Variants in NR4A1 observed in about 807,000 individuals in gnomAD.
The protein encoded by NR4A1 is nuclear receptor subfamily 4 group A member 1.
NR4A1 carries 24 observed loss-of-function variants against 47.5 expected under a neutral mutation model. That is an observed-to-expected ratio of 0.50 (90% CI 0.37 to 0.71). NR4A1 has a LOEUF of 0.71. NR4A1 is among the 30% of genes least tolerant of loss of function. The probability of loss-of-function intolerance (pLI) is 0.00; values close to 1 mark genes in which losing one functional copy is unlikely to be tolerated. For missense variants in NR4A1, 669 were observed against 788.6 expected, an observed-to-expected ratio of 0.85 and a Z score of 1.82; for synonymous variants, 353 against 345.7, an observed-to-expected ratio of 1.02 and a Z score of -0.24.
chr12:52,052,458 A>T, intron 1 of NR4A1: 1 of 985,254 alleles, frequency 1.0e-6, no homozygotes, highest in Non-Finnish European at 1.2e-6. Flanking sequence ...GATCATCCCT[A>T]TGCCCCCTCC....
At chr12:52,037,863 G>A (rs1313449539) in intron 1 of NR4A1, 1 of 985,252 alleles carries the variant, frequency 1.0e-6, no homozygotes, top group Non-Finnish European at 1.2e-6. Flanking sequence ...GAGTCAGGCG[G>A]AGCTGGGGAT....
intron 1 of NR4A1, among the ~76,000 whole-genome samples, chr12:52,032,974 G>C (rs1938158961): frequency 6.6e-6 from 1 of 152,196 alleles, no homozygotes; most frequent in South Asian, 2.1e-4. Flanking sequence ...GCCTGCAGCA[G>C]ACCCGAAGGA....
intron 1 of NR4A1, among the ~76,000 whole-genome samples, chr12:52,041,552 T>C (rs1159071884): frequency 6.6e-6 from 1 of 152,084 alleles, no homozygotes; most frequent in Non-Finnish European, 1.5e-5. Flanking sequence ...TGCTGATGTG[T>C]CTATATGGCT....
In NR4A1 at chr12:52,056,069, A is replaced by G. The variant is rs1304776012; in HGVS notation, c.916A>G (p.Asn306Asp). 1 of 1,604,452 alleles carries G rather than the reference A, an allele frequency of 6.2e-7. No homozygotes were observed. ...QKNAKYICLA[N>D]KDCPVDKRRR... The stretch of plus-strand genomic sequence containing the variant: ...AAACGCCAAGTACATCTGCCTGGCT[A>G]ACAAGGACTGCCCTGTGGACAAGAG... Residue 306 changes from asparagine (N) to aspartate (D), a missense_variant, in exon 3 of 7, where the codon AAC (asparagine) becomes GAC (aspartate). Coordinates refer to ENST00000394825, the MANE Select transcript of NR4A1 (RefSeq NM_173157.3).
intron 1 of NR4A1, among the ~76,000 whole-genome samples, chr12:52,025,003 T>G (rs1472907938): frequency 6.6e-6 from 1 of 151,660 alleles, no homozygotes; most frequent in Admixed American, 6.6e-5. Flanking sequence ...GCCTTCTTCA[T>G]GCACCACGTG....
intron 1 of NR4A1, among the ~76,000 whole-genome samples, chr12:52,025,529 C>T (rs1937983881): frequency 6.6e-6 from 1 of 152,190 alleles, no homozygotes; most frequent in Non-Finnish European, 1.5e-5. Context: ...GTCGCCTCCT[C>T]GCAGAAGCCG....
chr12:52,058,882 G>T lies in NR4A1; in HGVS notation c.1735G>T (p.Glu579Ter). ...GCAGCGCATCTTCTACCTCAAGCTG[G>T]AGGACTTGGTGCCCCCTCCACCCAT... ...GLQRIFYLKL[E>*]DLVPPPPIID... The change falls in exon 7 of 7, where the codon GAG becomes TAG. Residue 579 changes from glutamate to a stop codon, truncating the protein, a stop_gained. Coordinates refer to ENST00000394825, the MANE Select transcript of NR4A1 (RefSeq NM_173157.3). LOFTEE classifies it high-confidence loss of function. The T allele has an allele frequency of 6.2e-7, 1 of 1,614,086 alleles. No individual in the cohort carries two copies. Among genetic ancestry groups the T allele is most frequent in the South Asian group, 1.1e-5 (1 of 91,088 alleles).
chr12:52,028,684 T>G (rs1938053332), intron 1 of NR4A1, among the ~76,000 whole-genome samples: 1 of 151,810 alleles, frequency 6.6e-6, no homozygotes, highest in African/African-American at 2.4e-5. Context: ...GGTGGGTGGA[T>G]TACGAGGTCA....
chr12:52,047,476 A>G (rs968378854), upstream of NR4A1, among the ~76,000 whole-genome samples: 3 of 152,212 alleles, frequency 2.0e-5, no homozygotes, highest in Admixed American at 6.5e-5. Context: ...CTGTGTTTCC[A>G]CAGAGGGACT....
At chr12:52,050,705 C>G (rs1007837478), upstream of NR4A1, among the ~76,000 whole-genome samples, 3 of 152,174 alleles carry the variant, frequency 2.0e-5, no homozygotes, top group African/African-American at 7.2e-5. Context: ...CCTGGAGGGA[C>G]TAAGCGAGGG....
intron 4 of NR4A1, 82 bp downstream of exon 4, chr12:52,056,727 T>C: frequency 7.3e-7 from 1 of 1,366,514 alleles, no homozygotes; most frequent in Non-Finnish European, 9.8e-7. Context: ...AGCTACCCCC[T>C]CTGGAAGGAC....
intron 1 of NR4A1, chr12:52,037,308 C>T (rs1456921426): frequency 1.1e-6 from 1 of 935,722 alleles, no homozygotes; most frequent in Non-Finnish European, 1.3e-6. Context: ...GCGGAACTGG[C>T]GGGGGTCCCC....
intron 1 of NR4A1, among the ~76,000 whole-genome samples, chr12:52,032,559 T>C (rs1183043636): frequency 6.6e-6 from 1 of 152,224 alleles, no homozygotes; most frequent in East Asian, 1.9e-4. Context: ...ATGTGCAAGA[T>C]TGTTGAACAT....
chr12:52,040,217 T>C (rs1938382390), intron 1 of NR4A1, among the ~76,000 whole-genome samples: 1 of 152,136 alleles, frequency 6.6e-6, no homozygotes, highest in African/African-American at 2.4e-5. Context: ...ATGTGACTAT[T>C]GAGGGGGGCA....
chr12:52,040,099 T>C (rs1212091911), intron 1 of NR4A1, among the ~76,000 whole-genome samples: 1 of 152,164 alleles, frequency 6.6e-6, no homozygotes, highest in Non-Finnish European at 1.5e-5. Context: ...CCTTGGTTCA[T>C]CCCTTATCAG....
intron 1 of NR4A1, chr12:52,052,687 G>A (rs1419087931): frequency 1.0e-6 from 1 of 983,090 alleles, no homozygotes; most frequent in East Asian, 1.1e-4. Context: ...GCATGAAGGG[G>A]GAGGGACTGA....
intron 1 of NR4A1, among the ~76,000 whole-genome samples, chr12:52,030,664 T>C (rs1254742995): frequency 1.3e-5 from 2 of 152,074 alleles, no homozygotes; most frequent in Admixed American, 6.5e-5. Context: ...CCTGACCTCA[T>C]GTGATCCGCC....
intron 1 of NR4A1, among the ~76,000 whole-genome samples, chr12:52,040,544 CT>C (rs750202183): frequency 2.0e-5 from 3 of 152,156 alleles, no homozygotes; most frequent in Non-Finnish European, 4.4e-5. Context: ...CCTTGTCTTG[CT>C]TTCTGTTTGG....
At chr12:52,036,117 C>G (rs1938230531) in intron 1 of NR4A1, among the ~76,000 whole-genome samples, 1 of 152,188 alleles carries the variant, frequency 6.6e-6, no homozygotes, top group Non-Finnish European at 1.5e-5. Context: ...GCCCCAATCC[C>G]ATTGCTCCAA....
Sources: allele counts gnomAD v4.1 joint callset (sites outside exome capture counted in the v4.1 genomes callset), GRCh38; gene constraint gnomAD v4.1.1; transcripts MANE v1.5; gene names NCBI Gene and HGNC (gene_info 2026-07-23, HGNC 2026-07-21).